The following NCAPG2 variants were observed in gnomAD, a reference collection of about 807,000 sequenced individuals.
NCAPG2 encodes non-SMC condensin II complex subunit G2.
Under a neutral mutation model 141.1 loss-of-function variants are expected in NCAPG2, and 53 were observed. The observed-to-expected ratio is 0.38, with a 90% CI of 0.30 to 0.47. NCAPG2 has a LOEUF of 0.47. Ranked by LOEUF, NCAPG2 falls within the 20% of genes least tolerant of loss-of-function variation. NCAPG2 has a pLI of 0.99. For missense variants in NCAPG2, 1,087 were observed against 1,389.0 expected (o/e 0.78, Z 3.46); for synonymous variants, 499 against 490.7 (o/e 1.02, Z -0.22).
At chr7:158,690,943 A>G (rs959141448) in intron 4 of NCAPG2, among the ~76,000 whole-genome samples, 1 of 152,234 alleles carries the variant, frequency 6.6e-6, no homozygotes, top group Non-Finnish European at 1.5e-5. Flanking sequence ...GACCCTCAAC[A>G]GACATAATAG....
intron 27 of NCAPG2, chr7:158,640,061 A>AG (rs1312090757): frequency 6.4e-6 from 1 of 156,206 alleles, no homozygotes; most frequent in African/African-American, 2.4e-5. Flanking sequence ...CCAAAAAAAA[A>AG]AAAAAAAAAG....
chr7:158,668,342 A>AACTGGGTCCCTCCGCCCTCCTTACCCACT lies in NCAPG2; in HGVS notation c.1479+3143_1479+3171dup, dbSNP rs1308807961. 2.6e-3 allele frequency: 1,765 copies of AACTGGGTCCCTCCGCCCTCCTTACCCACT among 689,510 alleles called. 52 individuals carry two copies. Among genetic ancestry groups the AACTGGGTCCCTCCGCCCTCCTTACCCACT allele is most frequent in the Admixed American group, 8.9e-3 (44 of 4,956 alleles). The allele number at this position is 689,510 out of a possible 1,614,324, so 42.7% of individuals were successfully genotyped here. A position where few individuals can be genotyped will look rare whatever the true frequency, so the allele number is the denominator to read the frequency against. ...GGTCCCTCCGCCCTCCCTTACCCACAACTGGGTCCCTCCGCCCTCCTTACC... is the reference window on the plus strand; with the variant it reads ...GGTCCCTCCGCCCTCCCTTACCCACAACTGGGTCCCTCCGCCCTCCTTACCCACTACTGGGTCCCTCCGCCCTCCTTACC... On this transcript the variant is annotated intron_variant, in intron 13 of 27. Transcript: ENST00000356309.
Position 158,666,173 on chromosome 7 carries a change from C to T in NCAPG2, c.1480-1423G>A, listed in dbSNP as rs895233752. 1.5e-4 allele frequency among the ~76,000 whole-genome samples: 23 copies of T among 152,308 alleles called. No individual in the cohort carries two copies. In the East Asian group the frequency reaches 2.1e-3, roughly 14 times the overall value. ...CTAAGGGTGAGAGGCTGTGCTGTCA[C>T]GGTTTAAGAGGACAAGAAAGAGAAA... On this transcript the variant is annotated intron_variant, in intron 13 of 27. Transcript: ENST00000356309.
intron 26 of NCAPG2, among the ~76,000 whole-genome samples, chr7:158,644,621 C>A (rs1424176791): frequency 6.6e-6 from 1 of 152,134 alleles, no homozygotes; most frequent in Non-Finnish European, 1.5e-5. Context: ...CCCATGAAGC[C>A]ATGAGAGGAA....
intron 16 of NCAPG2, among the ~76,000 whole-genome samples, chr7:158,661,557 A>G (rs1307927205): frequency 1.3e-5 from 2 of 152,168 alleles, no homozygotes; most frequent in African/African-American, 2.4e-5. Flanking sequence ...ACTCCAGTTA[A>G]TAACAATACA....
rs1194922867 is a variant in NCAPG2 at position 158,680,830 on chromosome 7, A to C, written c.925-14T>G. ...GTAACTCAGAACCTAAGGACCAAAA[A>C]AAGGAAAAGGAAGGCATTAACAAAA... is the stretch of plus-strand genomic sequence containing the variant. On this transcript the variant is annotated splice_polypyrimidine_tract_variant and intron_variant, in intron 9 of 27. Transcript: ENST00000356309. 9 of 1,548,150 alleles carry C rather than the reference A, an allele frequency of 5.8e-6. No homozygotes were observed. Among genetic ancestry groups the C allele is most frequent in the Admixed American group, 2.0e-5 (1 of 51,026 alleles).
intron 4 of NCAPG2, among the ~76,000 whole-genome samples, chr7:158,692,056 G>A (rs552663381): frequency 6.6e-6 from 1 of 152,330 alleles, no homozygotes. Flanking sequence ...TGTAATCCCA[G>A]CACTTTGCCA....
At chr7:158,657,564 T>C (rs1328930183) in intron 17 of NCAPG2, among the ~76,000 whole-genome samples, 1 of 152,190 alleles carries the variant, frequency 6.6e-6, no homozygotes, top group Admixed American at 6.5e-5. Context: ...AGCCGCCCCG[T>C]CCGGGAGGTG....
intron 23 of NCAPG2, among the ~76,000 whole-genome samples, chr7:158,651,990 G>C (rs1312428868): frequency 6.6e-6 from 1 of 152,212 alleles, no homozygotes; most frequent in African/African-American, 2.4e-5. Flanking sequence ...CTGCCGTCTG[G>C]TCAACCTGAA....
intron 2 of NCAPG2, among the ~76,000 whole-genome samples, chr7:158,695,807 T>C (rs1293927584): frequency 6.6e-6 from 1 of 152,248 alleles, no homozygotes; most frequent in Non-Finnish European, 1.5e-5. Flanking sequence ...ACGTGCAGAC[T>C]AGCGAGCTGC....
At position 158,664,715 on chromosome 7, in the gene NCAPG2, A is replaced by G. The variant is rs754449982; in HGVS notation, c.1515T>C (p.Val505=). 1.9e-6 allele frequency: 3 copies of G among 1,614,096 alleles called. No homozygotes were observed. The highest frequency in any genetic ancestry group is 2.5e-6 in the Non-Finnish European group (3 of 1,180,050). The change falls in exon 14 of 28, where the codon GTT becomes GTC. Residue 505 remains valine, a synonymous_variant. Coordinates refer to ENST00000356309, the MANE Select transcript of NCAPG2 (RefSeq NM_017760.7). Reference sequence around the variant, plus strand: ...CAGGTCGAGAATCAGTTTCCAGACGAACCAGAATGTGCTCCATGGGACATA... The same window carrying G: ...CAGGTCGAGAATCAGTTTCCAGACGGACCAGAATGTGCTCCATGGGACATA... ...WKICPMEHIL[V]RLETDSRPVS...
At chr7:158,683,567 T>C (rs1834572196) in intron 8 of NCAPG2, among the ~76,000 whole-genome samples, 181 bp from the exon 9 acceptor site, 1 of 152,246 alleles carries the variant, frequency 6.6e-6, no homozygotes, top group South Asian at 2.1e-4. Context: ...TAGAATCCCT[T>C]TGGTTTTCTT....
intron 15 of NCAPG2, among the ~76,000 whole-genome samples, chr7:158,663,343 C>T (rs188633793): frequency 2.9e-4 from 44 of 152,380 alleles, no homozygotes; most frequent in African/African-American, 1.1e-3. Context: ...AAGTGGCTCT[C>T]ACTCTCACTG....
Position 158,656,599 on chromosome 7 carries a change from G to C in NCAPG2, c.2167C>G (p.Leu723Val), listed in dbSNP as rs1171002226. The C allele has an allele frequency of 6.2e-7, 1 of 1,614,094 alleles. No individual in the cohort carries two copies. Among genetic ancestry groups the C allele is most frequent in the East Asian group, 2.2e-5 (1 of 44,882 alleles). Residue 723 changes from leucine (L) to valine (V), a missense_variant, in exon 18 of 28, where the codon CTG becomes GTG. Leu to Val is a conservative substitution (Grantham distance 32). Transcript: ENST00000356309. The part of the protein sequence containing the change: ...LCSWGQVGHI[L>V]ELVDNWLPTE... ...GGCAGCCAGTTGTCAACAAGCTCCAGAATGTGCCCCACCTGCCCCCAGGAG... is the reference window on the plus strand; with the variant it reads ...GGCAGCCAGTTGTCAACAAGCTCCACAATGTGCCCCACCTGCCCCCAGGAG...
chr7:158,703,401 T>C (rs1377705963), intron 1 of NCAPG2, among the ~76,000 whole-genome samples: 1 of 152,250 alleles, frequency 6.6e-6, no homozygotes, highest in African/African-American at 2.4e-5. Context: ...ACTTTTCTTG[T>C]TTGCTCTATT....
chr7:158,681,663 T>C (rs1376670979), intron 9 of NCAPG2, among the ~76,000 whole-genome samples: 2 of 152,220 alleles, frequency 1.3e-5, no homozygotes, highest in Admixed American at 1.3e-4. Context: ...CATTAGTCTA[T>C]AGTTTGCTTT....
chr7:158,666,875 G>A (rs1464785301), intron 13 of NCAPG2, among the ~76,000 whole-genome samples: 3 of 152,126 alleles, frequency 2.0e-5, no homozygotes, highest in African/African-American at 4.8e-5. Flanking sequence ...AGCTGACAAA[G>A]GAAACAAAGA....
intron 22 of NCAPG2, 78 bp from the exon 23 acceptor site, chr7:158,652,558 C>A: frequency 8.6e-7 from 1 of 1,158,776 alleles, no homozygotes; most frequent in Non-Finnish European, 1.2e-6. Context: ...TCACTTAACA[C>A]ATGTATAAAA....
At chr7:158,659,750 T>C (rs1226601737) in intron 16 of NCAPG2, among the ~76,000 whole-genome samples, 1 of 151,978 alleles carries the variant, frequency 6.6e-6, no homozygotes, top group African/African-American at 2.4e-5. Flanking sequence ...AAATCAAAAT[T>C]TGATTAGGAA....
Sources: gnomAD v4.1 joint callset for allele counts (sites outside exome capture counted in the v4.1 genomes callset) on GRCh38, gnomAD v4.1.1 for gene constraint, MANE v1.5 for transcripts, NCBI Gene and HGNC (gene_info 2026-07-23, HGNC 2026-07-21) for gene names.